The following RHPN2 variants were observed in gnomAD, a reference collection of about 807,000 sequenced individuals.
The protein encoded by RHPN2 is rhophilin-2.
A neutral mutation model predicts 79.0 loss-of-function variants in RHPN2; 40 were observed. That is an observed-to-expected ratio of 0.51 (90% CI 0.39 to 0.66). The LOEUF (loss-of-function observed/expected upper bound fraction) is 0.66, where lower values mean the gene tolerates loss of function less well. Among genes scored for constraint, RHPN2 ranks in the 30% least tolerant of loss-of-function variants. The pLI, the probability that RHPN2 is intolerant of heterozygous loss-of-function variation, is 0.00. For synonymous variants in RHPN2, 285 were observed against 363.5 expected, an observed-to-expected ratio of 0.78 and a Z score of 2.46; for missense variants, 686 against 883.5, an observed-to-expected ratio of 0.78 and a Z score of 2.83.
intron 7 of RHPN2, among the ~76,000 whole-genome samples, chr19:33,004,022 T>C (rs1018090016): frequency 4.6e-5 from 7 of 152,118 alleles, no homozygotes; most frequent in Non-Finnish European, 1.0e-4. Flanking sequence ...AAAAAATATA[T>C]ACTTTTTAAA....
intron 4 of RHPN2, among the ~76,000 whole-genome samples, chr19:33,015,328 G>A (rs1187116125): frequency 2.0e-5 from 3 of 151,924 alleles, no homozygotes; most frequent in Non-Finnish European, 2.9e-5. Context: ...AGGAGGCTGA[G>A]GCAGGAGAAT....
At chr19:33,021,104 C>T (rs947716988) in intron 4 of RHPN2, among the ~76,000 whole-genome samples, 1 of 152,144 alleles carries the variant, frequency 6.6e-6, no homozygotes, top group African/African-American at 2.4e-5. Context: ...AATTTCAAAG[C>T]ATGTCCACTA....
chr19:33,021,105 A>C (rs10404307), intron 4 of RHPN2, among the ~76,000 whole-genome samples: 15,311 of 152,240 alleles, frequency 0.1, 902 homozygotes, highest in South Asian at 0.22. Flanking sequence ...ATTTCAAAGC[A>C]TGTCCACTAC....
At position 32,979,917 on chromosome 19, in the gene RHPN2, T is replaced by C. The variant is rs1324684919; in HGVS notation, c.*79A>G. On this transcript the variant is annotated 3_prime_UTR_variant, in exon 15 of 15. Coordinates refer to ENST00000254260, the MANE Select transcript of RHPN2 (RefSeq NM_033103.5). ...GGATTTGAGAACAGATAGATAGATA[T>C]TTTCCATTATGGCACAAACGTTTAA... is the stretch of plus-strand genomic sequence containing the variant. 1.2e-5 allele frequency: 18 copies of C among 1,512,526 alleles called. No individual in the cohort carries two copies. The Admixed American group carries it at 2.9e-4, about 24-fold the overall frequency. The allele number at this position is 1,512,526 out of a possible 1,614,324, so 93.7% of individuals were successfully genotyped here.
intron 14 of RHPN2, among the ~76,000 whole-genome samples, chr19:32,982,392 G>A (rs1437891352): frequency 6.6e-6 from 1 of 151,976 alleles, no homozygotes. Flanking sequence ...GGGCGATGGA[G>A]TGAGACGCTA....
In RHPN2 at chr19:32,997,516, G is replaced by A. The variant is rs549152392; in HGVS notation, c.1226-1296C>T. On this transcript the variant is annotated intron_variant, in intron 10 of 14. Coordinates refer to ENST00000254260, the MANE Select transcript of RHPN2 (RefSeq NM_033103.5). ...TTTTTTTTTTCTTTCTTGAGACGGAGTCTTGCTCTGTCACCCAGGCTGGAA... is the reference window on the plus strand; with the variant it reads ...TTTTTTTTTTCTTTCTTGAGACGGAATCTTGCTCTGTCACCCAGGCTGGAA... Among the ~76,000 whole-genome samples, 6 of 151,310 alleles carry A rather than the reference G, an allele frequency of 4.0e-5. 1 individual carries two copies. The highest frequency in any genetic ancestry group is 1.5e-4 in the African/African-American group (6 of 41,200).
rs1218101414 is a variant in RHPN2, at chr19:32,981,865, G to C, written c.1801-1609C>G. Among the ~76,000 whole-genome samples, 7 of 151,400 alleles carry C rather than the reference G, an allele frequency of 4.6e-5. No homozygotes were observed. In the South Asian group the frequency reaches 6.3e-4, roughly 14 times the overall value. ...CTCTAAAACTTTTTCATCTTCCTCA[G>C]CTGAAACTTTGTACCATTAAACACT... On this transcript the variant is annotated intron_variant, in intron 14 of 14. Coordinates refer to ENST00000254260, the MANE Select transcript of RHPN2 (RefSeq NM_033103.5).
Position 33,013,387 on chromosome 19 carries a change from G to A in RHPN2, c.391-663C>T, listed in dbSNP as rs144022084. On this transcript the variant is annotated intron_variant, in intron 4 of 14. Transcript: ENST00000254260. ...TTTTTGTATTTTTAGTAGAGATGGGGTTTCACCACATTGCCCAGGCTGGTC... is the reference window on the plus strand; with the variant it reads ...TTTTTGTATTTTTAGTAGAGATGGGATTTCACCACATTGCCCAGGCTGGTC... 3.1e-3 allele frequency among the ~76,000 whole-genome samples: 467 copies of A among 151,706 alleles called. 2 individuals are homozygous for A. Among genetic ancestry groups the A allele is most frequent in the African/African-American group, 0.011 (451 of 41,322 alleles).
At chr19:32,998,574 G>A (rs886686940) in intron 10 of RHPN2, among the ~76,000 whole-genome samples, 3 of 151,962 alleles carry the variant, frequency 2.0e-5, no homozygotes, top group African/African-American at 7.3e-5. Flanking sequence ...TTGAAGCCAG[G>A]AGTTCGAGGC....
At chr19:33,000,989 C>T (rs1362604624) in intron 9 of RHPN2, among the ~76,000 whole-genome samples, 1 of 144,762 alleles carries the variant, frequency 6.9e-6, no homozygotes, top group Non-Finnish European at 1.5e-5. Context: ...TTTCAGAGAA[C>T]CTACAGTATA....
chr19:33,048,107 G>T (rs1327271320), intron 1 of RHPN2, among the ~76,000 whole-genome samples: 2 of 152,008 alleles, frequency 1.3e-5, no homozygotes, highest in Non-Finnish European at 2.9e-5. Context: ...ACAGGCTGGA[G>T]TGCAGTGGTA....
intron 2 of RHPN2, among the ~76,000 whole-genome samples, chr19:33,034,765 T>C (rs1324569810): frequency 2.9e-4 from 29 of 99,792 alleles, no homozygotes; most frequent in African/African-American, 1.1e-3. Flanking sequence ...GCTTGGGCAA[T>C]AGAGCAAGAC....
intron 3 of RHPN2, among the ~76,000 whole-genome samples, chr19:33,022,791 G>C (rs1971935309): frequency 6.6e-6 from 1 of 152,188 alleles, no homozygotes; most frequent in Admixed American, 6.5e-5. Flanking sequence ...CAGGGCGAGG[G>C]GACAATGCAG....
intron 2 of RHPN2, among the ~76,000 whole-genome samples, chr19:33,036,338 G>A (rs1193260783): frequency 1.3e-5 from 2 of 151,920 alleles, no homozygotes; most frequent in African/African-American, 4.8e-5. Context: ...CATCTCTACA[G>A]AAAATTTGAA....
rs1400625524 is a variant in RHPN2, at chr19:32,997,189, G to A, written c.1226-969C>T. 6.6e-5 allele frequency among the ~76,000 whole-genome samples: 10 copies of A among 152,150 alleles called. No homozygotes were observed. The South Asian group carries it at 1.0e-3, about 16-fold the overall frequency. On this transcript the variant is annotated intron_variant, in intron 10 of 14. Transcript: ENST00000254260. The stretch of plus-strand genomic sequence containing the variant: ...GCTGGGATGACAGGCGTGAGTCACC[G>A]CGCCCAGCCCAAGCCTCCCTTCAAT...
chr19:33,009,396 C>T (rs1002280721), intron 6 of RHPN2, among the ~76,000 whole-genome samples: 1 of 151,968 alleles, frequency 6.6e-6, no homozygotes, highest in Non-Finnish European at 1.5e-5. Context: ...ATGGCAATTA[C>T]TAACCCCTCA....
At chr19:33,023,743 C>A (rs1455005286) in intron 3 of RHPN2, among the ~76,000 whole-genome samples, 2 of 150,318 alleles carry the variant, frequency 1.3e-5, no homozygotes, top group Non-Finnish European at 3.0e-5. Context: ...CGAGATCGTG[C>A]CACTGCACTC....
chr19:33,046,190 T>C (rs12972060), intron 1 of RHPN2, among the ~76,000 whole-genome samples: 53,135 of 152,146 alleles, frequency 0.35, 10,921 homozygotes, highest in African/African-American at 0.56. Flanking sequence ...TATATGGATA[T>C]GTGCTTTTGT....
intron 2 of RHPN2, among the ~76,000 whole-genome samples, chr19:33,033,089 C>T (rs1360105192): frequency 6.6e-6 from 1 of 152,046 alleles, no homozygotes; most frequent in Non-Finnish European, 1.5e-5. Context: ...ATTATAATTC[C>T]TAGAGGACAA....
Sources: allele counts gnomAD v4.1 joint callset (sites outside exome capture counted in the v4.1 genomes callset), GRCh38; gene constraint gnomAD v4.1.1; transcripts MANE v1.5; gene names NCBI Gene and HGNC (gene_info 2026-07-23, HGNC 2026-07-21).